FBLN2: variants seen among roughly 807,000 people sequenced by gnomAD.
FBLN2 encodes the protein fibulin 2, also known as fibulin-2.
Under a neutral mutation model 123.7 loss-of-function variants are expected in FBLN2, and 81 were observed. That is an observed-to-expected ratio of 0.65 (90% CI 0.55 to 0.79). The LOEUF (loss-of-function observed/expected upper bound fraction) is 0.79. Ranked by LOEUF, FBLN2 falls within the 30% of genes least tolerant of loss-of-function variation. The pLI is 0.00. For missense variants in FBLN2, 1,603 were observed against 1,681.3 expected (o/e 0.95, Z 0.81); for synonymous variants, 699 against 701.4 (o/e 1.00, Z 0.05).
intron 1 of FBLN2, among the ~76,000 whole-genome samples, chr3:13,567,457 A>G (rs1035637005): frequency 4.6e-5 from 7 of 152,198 alleles, no homozygotes; most frequent in Admixed American, 4.6e-4. Flanking sequence ...TCCGGGGTTC[A>G]AGCAGTTCTC....
intron 5 of FBLN2, among the ~76,000 whole-genome samples, chr3:13,615,660 G>A (rs1289531669): frequency 6.6e-6 from 1 of 152,258 alleles, no homozygotes; most frequent in Non-Finnish European, 1.5e-5. Context: ...GCAGTGCCTA[G>A]TGATGCATTC....
intron 17 of FBLN2, among the ~76,000 whole-genome samples, chr3:13,636,883 G>A (rs1706491727): frequency 6.6e-6 from 1 of 152,232 alleles, no homozygotes; most frequent in Non-Finnish European, 1.5e-5. Flanking sequence ...CTTACTCTTT[G>A]TCACGCAGTG....
rs988450789 is a variant in FBLN2, at chr3:13,570,302, C to T, written c.-41-13C>T. The T allele has an allele frequency of 4.8e-6, 7 of 1,463,406 alleles. No individual in the cohort carries two copies. The highest frequency in any genetic ancestry group is 6.3e-6 in the Non-Finnish European group (7 of 1,105,068). The allele number at this position is 1,463,406 out of a possible 1,614,324, so 90.7% of individuals were successfully genotyped here. On this transcript the variant is annotated splice_polypyrimidine_tract_variant and intron_variant, in intron 1 of 17. Transcript: ENST00000404922. ...CACCCAGTACTGACAGGCTTCCTTT[C>T]TGATTCCCCCAGGGTCTTACAGGAG...
chr3:13,607,957 G>C (rs1393442026), intron 2 of FBLN2, 105 bp from the exon 3 acceptor site: 1 of 760,770 alleles, frequency 1.3e-6, no homozygotes, highest in Middle Eastern at 2.3e-4. Flanking sequence ...CAGCAGGGGT[G>C]GATGAGTTTG....
At chr3:13,619,144 C>G in intron 7 of FBLN2, 127 bp downstream of exon 7, 1 of 685,388 alleles carries the variant, frequency 1.5e-6, no homozygotes, top group Non-Finnish European at 2.5e-6. Flanking sequence ...GGGTGTGCTT[C>G]TGTTTTGGGG....
chr3:13,572,387 G>C (rs1008260704), intron 2 of FBLN2, among the ~76,000 whole-genome samples: 7 of 152,234 alleles, frequency 4.6e-5, no homozygotes, highest in African/African-American at 1.7e-4. Flanking sequence ...TACTATGTAC[G>C]CTGTTTCACC....
chr3:13,628,564 C>T (rs1277705537), intron 11 of FBLN2, among the ~76,000 whole-genome samples: 1 of 152,204 alleles, frequency 6.6e-6, no homozygotes, highest in Non-Finnish European at 1.5e-5. Context: ...AGTCTCTGTG[C>T]CTCTAAAACT....
intron 2 of FBLN2, among the ~76,000 whole-genome samples, chr3:13,585,667 T>C (rs1704473713): frequency 6.6e-6 from 1 of 152,174 alleles, no homozygotes. Context: ...GGCTTATGCC[T>C]GTAATCCCAG....
intron 1 of FBLN2, among the ~76,000 whole-genome samples, chr3:13,556,731 CAT>C (rs1203686196): frequency 2.0e-5 from 3 of 152,218 alleles, no homozygotes; most frequent in Non-Finnish European, 2.9e-5. Flanking sequence ...GGCATCAGCA[CAT>C]GACACTGTAG....
In FBLN2 at chr3:13,629,912, T is replaced by C. The variant is rs755099019; in HGVS notation, c.2935T>C (p.Phe979Leu). 1.5e-5 allele frequency: 24 copies of C among 1,609,292 alleles called. No individual in the cohort carries two copies. In the East Asian group the frequency reaches 1.8e-4, roughly 12 times the overall value. ...CTACCGCTGTTCCTGCGCCTCCGGGTTCCTGCTAGCAGCGGACGGCAAGCG... is the reference window on the plus strand; with the variant it reads ...CTACCGCTGTTCCTGCGCCTCCGGGCTCCTGCTAGCAGCGGACGGCAAGCG... ...GSYRCSCASGFLLAADGKRCE... is the reference protein window; with the variant it reads ...GSYRCSCASGLLLAADGKRCE... Residue 979 changes from phenylalanine (F) to leucine (L), a missense_variant, in exon 14 of 18, where the codon TTC becomes CTC. Transcript: ENST00000404922.
chr3:13,628,156 G>A (rs1341319653), intron 11 of FBLN2, among the ~76,000 whole-genome samples, 187 bp downstream of exon 11: 1 of 152,242 alleles, frequency 6.6e-6, no homozygotes, highest in East Asian at 1.9e-4. Flanking sequence ...TGTCCCCAAA[G>A]TGTAGCTGCT....
intron 9 of FBLN2, among the ~76,000 whole-genome samples, chr3:13,624,175 A>C (rs1574994378): frequency 6.6e-6 from 1 of 152,034 alleles, no homozygotes; most frequent in Non-Finnish European, 1.5e-5. Context: ...TGGGCCGGGC[A>C]CTCTGGCTTC....
intron 6 of FBLN2, among the ~76,000 whole-genome samples, chr3:13,618,505 C>A (rs535578551): frequency 2.0e-5 from 3 of 152,218 alleles, no homozygotes; most frequent in Non-Finnish European, 4.4e-5. Context: ...GGCCCCAGCA[C>A]CTTGTCCCAT....
intron 2 of FBLN2, among the ~76,000 whole-genome samples, chr3:13,607,751 G>T (rs1002088183): frequency 1.3e-5 from 2 of 152,150 alleles, no homozygotes; most frequent in Non-Finnish European, 2.9e-5. Flanking sequence ...CCCACGTGAG[G>T]TCTGACCCTG....
chr3:13,631,589 A>G (rs1241550791), intron 16 of FBLN2, 132 bp downstream of exon 16: 3 of 1,092,402 alleles, frequency 2.7e-6, no homozygotes, highest in Non-Finnish European at 3.8e-6. Context: ...AGGATGGCCA[A>G]TGCTACCAGT....
intron 1 of FBLN2, among the ~76,000 whole-genome samples, chr3:13,561,341 T>C (rs1376194661): frequency 6.6e-6 from 1 of 152,232 alleles, no homozygotes; most frequent in African/African-American, 2.4e-5. Flanking sequence ...CCAGATGTTT[T>C]GCTGAGGTCC....
chr3:13,570,375 C>T lies in FBLN2; in HGVS notation c.20C>T (p.Pro7Leu). The T allele has an allele frequency of 1.3e-6, 2 of 1,569,046 alleles. No homozygotes were observed. The highest frequency in any genetic ancestry group is 2.7e-5 in the African/African-American group (2 of 73,980). Residue 7 changes from proline to leucine, a missense_variant, in exon 2 of 18, where the codon CCT (proline) becomes CTT (leucine). Pro to Leu is a moderately conservative substitution (Grantham distance 98). Coordinates refer to ENST00000404922, the MANE Select transcript of FBLN2 (RefSeq NM_001004019.2). MVLLWEPAGAWLALGLA... is the reference protein window; with the variant it reads MVLLWELAGAWLALGLA... ...TGGACCATGGTGCTGCTCTGGGAGC[C>T]TGCAGGAGCCTGGCTTGCTCTGGGC...
intron 16 of FBLN2, among the ~76,000 whole-genome samples, chr3:13,633,551 C>T (rs1706336357): frequency 6.6e-6 from 1 of 152,268 alleles, no homozygotes; most frequent in South Asian, 2.1e-4. Flanking sequence ...GTAGCCACTT[C>T]TGCAGCTCCT....
At chr3:13,570,231 G>GC (rs3832210) in intron 1 of FBLN2, 84 bp from the exon 2 acceptor site, 84,543 of 1,403,750 alleles carry the variant, frequency 0.06, 3,837 homozygotes, top group African/African-American at 0.23. Context: ...CTGAGGCTGG[G>GC]CCCCTGCCCG....
Sources: gnomAD v4.1 joint callset for allele counts (sites outside exome capture counted in the v4.1 genomes callset) on GRCh38, gnomAD v4.1.1 for gene constraint, MANE v1.5 for transcripts, NCBI Gene and HGNC (gene_info 2026-07-23, HGNC 2026-07-21) for gene names.